CACNA1C: variants seen among roughly 807,000 people sequenced by gnomAD.
CACNA1C encodes the protein calcium voltage-gated channel subunit alpha1 C.
Under a neutral mutation model 229.0 loss-of-function variants are expected in CACNA1C, and 30 were observed. That is an observed-to-expected ratio of 0.13 (90% CI 0.10 to 0.18). The LOEUF is 0.18. Ranked by LOEUF, CACNA1C falls within the 10% of genes least tolerant of loss-of-function variation. CACNA1C has a pLI of 1.00. For missense variants in CACNA1C, 1,658 were observed against 2,845.0 expected (o/e 0.58, Z 9.49); for synonymous variants, 1,114 against 1,132.5 (o/e 0.98, Z 0.33).
chr12:2,590,824 GA>G (rs1322158901), intron 18 of CACNA1C, among the ~76,000 whole-genome samples: 1 of 152,204 alleles, frequency 6.6e-6, no homozygotes, highest in Non-Finnish European at 1.5e-5. Context: ...AAATTATCAT[GA>G]AGAAGAAAGT....
chr12:2,070,345 C>G (rs2060749719), intron 1 of CACNA1C, among the ~76,000 whole-genome samples: 1 of 152,016 alleles, frequency 6.6e-6, no homozygotes, highest in South Asian at 2.1e-4. Context: ...GAAGTCACAC[C>G]CATTTTCAAG....
At chr12:2,193,476 A>G (rs1461972020) in intron 3 of CACNA1C, among the ~76,000 whole-genome samples, 1 of 152,146 alleles carries the variant, frequency 6.6e-6, no homozygotes, top group Non-Finnish European at 1.5e-5. Flanking sequence ...AAAAACAAAA[A>G]ACTTGTAAAG....
At chr12:2,440,504 C>G (rs976962757) in intron 3 of CACNA1C, among the ~76,000 whole-genome samples, 1 of 146,000 alleles carries the variant, frequency 6.8e-6, no homozygotes, top group South Asian at 2.2e-4. Context: ...GGAAGGAAGG[C>G]TTCTTCATGG....
intron 1 of CACNA1C, among the ~76,000 whole-genome samples, chr12:2,089,805 T>C (rs112703992): frequency 0.042 from 6,304 of 151,716 alleles, 254 homozygotes; most frequent in Non-Finnish European, 0.056. Flanking sequence ...GAGGCTGAGG[T>C]GGGCGGATCA....
exon 1 of CACNA1C, chr12:1,970,942 G>C (rs1219128989): frequency 2.3e-6 from 1 of 439,816 alleles, no homozygotes. Context: ...GTCAACTTTT[G>C]TGGCACTGAA....
chr12:2,233,028 G>A (rs1168638465), intron 3 of CACNA1C, among the ~76,000 whole-genome samples: 1 of 152,162 alleles, frequency 6.6e-6, no homozygotes, highest in Non-Finnish European at 1.5e-5. Context: ...GTTACTCCAA[G>A]GAGTACTGAT....
chr12:2,126,131 T>A (rs549395034), intron 3 of CACNA1C, among the ~76,000 whole-genome samples: 18 of 152,184 alleles, frequency 1.2e-4, no homozygotes, highest in South Asian at 4.2e-4. Flanking sequence ...GTTTTTTTTT[T>A]AAAAGATCTC....
In CACNA1C at chr12:2,454,230, C is replaced by G. The variant is rs565889506; in HGVS notation, c.618-3337C>G. Reference sequence around the variant, plus strand: ...ACTCCGACACTCACTTCTCCACCTTCCTGCAGTAGCTTCTTGGTTCTTGGA... The same window carrying G: ...ACTCCGACACTCACTTCTCCACCTTGCTGCAGTAGCTTCTTGGTTCTTGGA... On this transcript the variant is annotated intron_variant, in intron 4 of 46. Transcript: ENST00000399655. Among the ~76,000 whole-genome samples, 6 of 152,376 alleles carry G rather than the reference C, an allele frequency of 3.9e-5. No homozygotes were observed. In the East Asian group the frequency reaches 1.2e-3, roughly 29 times the overall value.
At position 2,178,891 on chromosome 12, in the gene CACNA1C, G is replaced by A. The variant is rs1415191184; in HGVS notation, c.477+58461G>A. 3.3e-5 allele frequency among the ~76,000 whole-genome samples: 5 copies of A among 152,094 alleles called. No individual in the cohort carries two copies. The East Asian group carries it at 9.7e-4, about 29-fold the overall frequency. On this transcript the variant is annotated intron_variant, in intron 3 of 46. Transcript: ENST00000399655. The stretch of plus-strand genomic sequence containing the variant: ...AGCCTGGCCAACATGACAAAACCCT[G>A]TCTGTACTAAAAATACAAAAATTAG...
chr12:1,993,421 CAATAGACAAATT>C, intron 1 of CACNA1C: 1 of 1,601,078 alleles, frequency 6.2e-7, no homozygotes, highest in Non-Finnish European at 8.5e-7. Flanking sequence ...AGGGGGAAAT[CAATAGACAAATT>C]GCTTAGTATG....
Position 2,694,614 on chromosome 12 carries a change from TC to T in CACNA1C, c.*3418del, listed in dbSNP as rs1230413177. 1 of 152,216 alleles carries T rather than the reference TC, an allele frequency of 6.6e-6. No individual in the cohort carries two copies. Among genetic ancestry groups the T allele is most frequent in the African/African-American group, 2.4e-5 (1 of 41,444 alleles). 9.4% of individuals were successfully genotyped at this position (152,216 alleles called of 1,614,324 possible). On this transcript the variant is annotated 3_prime_UTR_variant, in exon 47 of 47. Transcript: ENST00000399655. ...ACAAGGCAATGTCTCTCATTCTATTTCCCAGTTCCAAATTCCAGGTGCTTGT... is the reference window on the plus strand; with the variant it reads ...ACAAGGCAATGTCTCTCATTCTATTTCCAGTTCCAAATTCCAGGTGCTTGT...
rs2099767207 is a variant in CACNA1C, at chr12:2,504,414, T to C, written c.1114-428T>C. The C allele has an allele frequency of 7.0e-7, 1 of 1,433,402 alleles. No homozygotes were observed. Among genetic ancestry groups the C allele is most frequent in the South Asian group, 1.1e-5 (1 of 87,414 alleles). The allele number at this position is 1,433,402 out of a possible 1,614,324, so 88.8% of individuals were successfully genotyped here. On this transcript the variant is annotated intron_variant, in intron 7 of 46. Coordinates refer to ENST00000399655, the MANE Select transcript of CACNA1C (RefSeq NM_000719.7). This position sits in a 1 kb window ranked among gnomAD's most constrained non-coding sequence, Gnocchi z 6.8. ...TAACCCAATTCTGCTTCTTCTTTCC[T>C]AACTTTCCTTCGTCTTTCCAGATGC...
At chr12:2,274,341 TAGG>T (rs1004141743) in intron 3 of CACNA1C, among the ~76,000 whole-genome samples, 1 of 152,182 alleles carries the variant, frequency 6.6e-6, no homozygotes, top group African/African-American at 2.4e-5. Context: ...GTTTCTGAGC[TAGG>T]AGGGCTTCCT....
chr12:2,387,436 G>A (rs1448808629), intron 3 of CACNA1C, among the ~76,000 whole-genome samples: 3 of 152,094 alleles, frequency 2.0e-5, no homozygotes, highest in African/African-American at 2.4e-5. Flanking sequence ...AGTGAGCCGA[G>A]ATTGCACCAC....
Position 2,400,576 on chromosome 12 carries a change from G to A in CACNA1C, c.478-48400G>A, listed in dbSNP as rs555664996. Reference sequence around the variant, plus strand: ...CACAGGGCTGCTACGAATACAGAACGAGATAATGCAAATAACGTGCTTAGC... The same window carrying A: ...CACAGGGCTGCTACGAATACAGAACAAGATAATGCAAATAACGTGCTTAGC... On this transcript the variant is annotated intron_variant, in intron 3 of 46. Coordinates refer to ENST00000399655, the MANE Select transcript of CACNA1C (RefSeq NM_000719.7). Among the ~76,000 whole-genome samples, 456 of 152,268 alleles carry A rather than the reference G, an allele frequency of 3.0e-3. 3 individuals are homozygous for A. The highest frequency in any genetic ancestry group is 0.01 in the African/African-American group (433 of 41,550).
In CACNA1C at chr12:2,693,280, C is replaced by A. The variant is rs1295720747; in HGVS notation, c.*2081C>A. The A allele has an allele frequency of 1.3e-5, 2 of 152,188 alleles. No homozygotes were observed. Among genetic ancestry groups the A allele is most frequent in the Non-Finnish European group, 2.9e-5 (2 of 68,054 alleles). 9.4% of individuals were successfully genotyped at this position (152,188 alleles called of 1,614,324 possible). A position where few individuals can be genotyped will look rare whatever the true frequency, so the allele number is the denominator to read the frequency against. On this transcript the variant is annotated 3_prime_UTR_variant, in exon 47 of 47. Transcript: ENST00000399655. ...GGTGCAGGGAGGCGTTCTGATGAGC[C>A]CTCAGTCACTGGGCCGTCATCCGCA...
At chr12:2,518,075 C>T (rs1598675619) in intron 9 of CACNA1C, among the ~76,000 whole-genome samples, 1 of 152,282 alleles carries the variant, frequency 6.6e-6, no homozygotes, top group South Asian at 2.1e-4. Context: ...CCCATGGTAT[C>T]GAGTTATGTG....
chr12:2,207,639 GTC>G (rs1426223978), intron 3 of CACNA1C, among the ~76,000 whole-genome samples: 3 of 151,864 alleles, frequency 2.0e-5, no homozygotes, highest in Non-Finnish European at 4.4e-5. Context: ...GCAACACCTC[GTC>G]TCTACAAAAA....
chr12:2,618,406 C>G (rs932648825), intron 29 of CACNA1C, among the ~76,000 whole-genome samples: 5 of 152,202 alleles, frequency 3.3e-5, no homozygotes, highest in Non-Finnish European at 5.9e-5. Context: ...CTGAAGGTTG[C>G]CAATGGTGAC....
Sources: allele counts gnomAD v4.1 joint callset (sites outside exome capture counted in the v4.1 genomes callset), GRCh38; gene constraint gnomAD v4.1.1; non-coding constraint Gnocchi (gnomAD v3.1); transcripts MANE v1.5; gene names NCBI Gene and HGNC (gene_info 2026-07-23, HGNC 2026-07-21).